Variants in CFAP221 observed in about 807,000 individuals in gnomAD.
The protein encoded by CFAP221 is cilia- and flagella-associated protein 221.
CFAP221 carries 97 observed loss-of-function variants against 113.1 expected under a neutral mutation model. The observed-to-expected ratio is 0.86, with a 90% confidence interval of 0.73 to 1.02. The LOEUF (loss-of-function observed/expected upper bound fraction) is 1.02, where lower values mean the gene tolerates loss of function less well. CFAP221 is among the 50% of genes least tolerant of loss of function. The probability of loss-of-function intolerance (pLI) is 0.00; values close to 1 mark genes in which losing one functional copy is unlikely to be tolerated. For synonymous variants in CFAP221, 331 were observed against 354.4 expected (o/e 0.93, Z 0.74); for missense variants, 1,025 against 1,013.4 (o/e 1.01, Z -0.16).
intron 3 of CFAP221, among the ~76,000 whole-genome samples, chr2:119,554,070 G>T (rs1429721280): frequency 6.6e-6 from 1 of 152,222 alleles, no homozygotes; most frequent in Admixed American, 6.5e-5. Context: ...TCTTGGGAGA[G>T]CCAGCCCCCT....
At chr2:119,633,918 C>G (rs1007712294) in intron 19 of CFAP221, among the ~76,000 whole-genome samples, 1 of 152,152 alleles carries the variant, frequency 6.6e-6, no homozygotes, top group Non-Finnish European at 1.5e-5. Flanking sequence ...TATGGAGGTT[C>G]CTCAAAAAAT....
At chr2:119,650,636 T>A (rs1471849782) in intron 22 of CFAP221, among the ~76,000 whole-genome samples, 1 of 152,252 alleles carries the variant, frequency 6.6e-6, no homozygotes, top group Non-Finnish European at 1.5e-5. Context: ...GCATTAAATG[T>A]GTGCCAGGGA....
intron 14 of CFAP221, among the ~76,000 whole-genome samples, chr2:119,616,064 A>T (rs1319643363): frequency 6.6e-6 from 1 of 152,208 alleles, no homozygotes; most frequent in African/African-American, 2.4e-5. Context: ...GCAGCCTTTT[A>T]AAAAATCAAT....
At chr2:119,627,825 A>G (rs757128852) in intron 16 of CFAP221, 39 bp downstream of exon 16, 1 of 1,610,226 alleles carries the variant, frequency 6.2e-7, no homozygotes, top group Non-Finnish European at 8.5e-7. Context: ...AGTGGACATG[A>G]TCATGATCGT....
At chr2:119,624,092 A>G (rs1407117809) in intron 14 of CFAP221, among the ~76,000 whole-genome samples, 1 of 152,204 alleles carries the variant, frequency 6.6e-6, no homozygotes, top group African/African-American at 2.4e-5. Context: ...AACCTATAGA[A>G]TGGGAGAAGA....
Position 119,585,379 on chromosome 2 carries a change from C to A in CFAP221, c.528-1740C>A, listed in dbSNP as rs891303755. Among the ~76,000 whole-genome samples the A allele has an allele frequency of 4.6e-5, 7 of 152,218 alleles. No individual in the cohort carries two copies. In the South Asian group the frequency reaches 1.2e-3, roughly 27 times the overall value. On this transcript the variant is annotated intron_variant, in intron 6 of 23. Coordinates refer to ENST00000413369, the MANE Select transcript of CFAP221 (RefSeq NM_001271049.2). ...GAATAAATTAGAGACATGCCATGTT[C>A]ATAGTTTGGAACAGATTTCAATTTT... is the stretch of plus-strand genomic sequence containing the variant.
At chr2:119,621,437 A>G (rs894061462) in intron 14 of CFAP221, among the ~76,000 whole-genome samples, 3 of 152,134 alleles carry the variant, frequency 2.0e-5, no homozygotes, top group Admixed American at 1.3e-4. Context: ...CCACACAATA[A>G]TAGTGGGAGA....
intron 11 of CFAP221, among the ~76,000 whole-genome samples, chr2:119,607,885 A>T (rs1684878790): frequency 6.6e-6 from 1 of 152,256 alleles, no homozygotes; most frequent in East Asian, 1.9e-4. Context: ...TGGATATGCA[A>T]CATTTTGCTT....
chr2:119,574,131 T>G (rs1456279742), intron 6 of CFAP221, among the ~76,000 whole-genome samples: 1 of 152,218 alleles, frequency 6.6e-6, no homozygotes, highest in Admixed American at 6.5e-5. Flanking sequence ...AAAATGGTGA[T>G]ACTCTGCTCT....
intron 7 of CFAP221, among the ~76,000 whole-genome samples, chr2:119,594,630 A>G (rs1046735930): frequency 2.0e-5 from 3 of 152,206 alleles, no homozygotes; most frequent in Non-Finnish European, 2.9e-5. Context: ...TTATATGCAC[A>G]GCACCTGTGG....
chr2:119,592,953 A>T (rs904139992), intron 7 of CFAP221, among the ~76,000 whole-genome samples: 1 of 152,220 alleles, frequency 6.6e-6, no homozygotes, highest in Non-Finnish European at 1.5e-5. Flanking sequence ...GTTGTTCTGC[A>T]TCATTTTTGT....
intron 7 of CFAP221, among the ~76,000 whole-genome samples, chr2:119,599,101 T>A (rs1370108134): frequency 2.6e-5 from 4 of 152,170 alleles, no homozygotes; most frequent in African/African-American, 9.7e-5. Flanking sequence ...GCTGATTCCC[T>A]CCTCCCTGCA....
intron 5 of CFAP221, among the ~76,000 whole-genome samples, chr2:119,561,108 G>A (rs895562333): frequency 1.3e-5 from 2 of 152,048 alleles, no homozygotes; most frequent in Admixed American, 6.6e-5. Context: ...GGCCAACATG[G>A]TGAAACCCCA....
chr2:119,596,736 C>T (rs1412545905), intron 7 of CFAP221, among the ~76,000 whole-genome samples: 2 of 152,252 alleles, frequency 1.3e-5, no homozygotes, highest in African/African-American at 4.8e-5. Flanking sequence ...CCACACGTGT[C>T]TTCATCTGCT....
chr2:119,610,913 C>T (rs1030334686), intron 12 of CFAP221, among the ~76,000 whole-genome samples: 4 of 152,140 alleles, frequency 2.6e-5, no homozygotes, highest in Non-Finnish European at 5.9e-5. Flanking sequence ...CATATAGACA[C>T]TGAACCCAGC....
chr2:119,578,758 T>G (rs571527898), intron 6 of CFAP221, among the ~76,000 whole-genome samples: 143 of 152,340 alleles, frequency 9.4e-4, no homozygotes, highest in Middle Eastern at 3.4e-3. Context: ...TGTTGTCAGT[T>G]AACCTTCTTT....
At position 119,644,381 on chromosome 2, in the gene CFAP221, C is replaced by T. The variant is rs372274508; in HGVS notation, c.2226-2577C>T. Among the ~76,000 whole-genome samples, 5 of 152,250 alleles carry T rather than the reference C, an allele frequency of 3.3e-5. No individual in the cohort carries two copies. The East Asian group carries it at 7.7e-4, about 24-fold the overall frequency. On this transcript the variant is annotated intron_variant, in intron 21 of 23. Coordinates refer to ENST00000413369, the MANE Select transcript of CFAP221 (RefSeq NM_001271049.2). ...TGTGCTAGACCAGCCTGGTCCCTGG[C>T]GAGCGGCCCAGACCCTGAACTTCTC... is the stretch of plus-strand genomic sequence containing the variant.
intron 21 of CFAP221, among the ~76,000 whole-genome samples, chr2:119,642,869 C>T (rs974185437): frequency 5.9e-5 from 9 of 151,586 alleles, no homozygotes; most frequent in South Asian, 2.1e-4. Flanking sequence ...GGCACTAATC[C>T]TATTCATGAG....
At chr2:119,600,178 T>C (rs1174813544) in intron 7 of CFAP221, among the ~76,000 whole-genome samples, 1 of 152,192 alleles carries the variant, frequency 6.6e-6, no homozygotes, top group South Asian at 2.1e-4. Context: ...ATAAATAACA[T>C]TGATCCTCCC....
Sources: allele counts gnomAD v4.1 joint callset (sites outside exome capture counted in the v4.1 genomes callset), GRCh38; gene constraint gnomAD v4.1.1; transcripts MANE v1.5; gene names NCBI Gene and HGNC (gene_info 2026-07-23, HGNC 2026-07-21).